LINGO2: variants seen among roughly 807,000 people sequenced by gnomAD.
LINGO2 encodes leucine rich repeat and Ig domain containing 2.
A neutral mutation model predicts 30.6 loss-of-function variants in LINGO2; 14 were observed. The observed-to-expected ratio is 0.46, with a 90% confidence interval of 0.30 to 0.72. LINGO2 has a LOEUF of 0.72. Ranked by LOEUF, LINGO2 falls within the 30% of genes least tolerant of loss-of-function variation. The pLI, the probability that LINGO2 is intolerant of heterozygous loss-of-function variation, is 0.07. For synonymous variants in LINGO2, 317 were observed against 288.5 expected (o/e 1.10, Z -1.00); for missense variants, 729 against 751.7 (o/e 0.97, Z 0.35).
intron 4 of LINGO2, among the ~76,000 whole-genome samples, chr9:28,050,642 C>T (rs1824629436): frequency 6.6e-6 from 1 of 150,846 alleles, no homozygotes; most frequent in Non-Finnish European, 1.5e-5. Flanking sequence ...CGAAATACCA[C>T]CCTTCATAAC....
chr9:28,211,372 C>T (rs1404735184), intron 4 of LINGO2, among the ~76,000 whole-genome samples: 1 of 150,512 alleles, frequency 6.6e-6, no homozygotes, highest in Non-Finnish European at 1.5e-5. Context: ...CAGAGAGCAC[C>T]TGTTAAATTG....
intron 4 of LINGO2, among the ~76,000 whole-genome samples, chr9:28,048,689 A>G (rs543306179): frequency 3.3e-5 from 5 of 151,074 alleles, no homozygotes; most frequent in Non-Finnish European, 5.9e-5. Context: ...TACGATGCCA[A>G]AAGGCTGAAA....
chr9:28,824,862 G>A, the LINGO2 span, among the ~76,000 whole-genome samples: 2 of 152,290 alleles, frequency 1.3e-5, no homozygotes, highest in Admixed American at 1.3e-4. Flanking sequence ...TAAATCAGTA[G>A]GCTGGACTAA....
At chr9:28,207,886 G>A (rs1317849350) in intron 4 of LINGO2, among the ~76,000 whole-genome samples, 1 of 151,440 alleles carries the variant, frequency 6.6e-6, no homozygotes, top group Non-Finnish European at 1.5e-5. Flanking sequence ...TTTTTTAAAT[G>A]TTTTGCATGA....
chr9:28,955,775 T>C, the LINGO2 span, among the ~76,000 whole-genome samples: 1 of 152,118 alleles, frequency 6.6e-6, no homozygotes, highest in Non-Finnish European at 1.5e-5. Flanking sequence ...TATGTTCAGA[T>C]TCTTAAATGG....
intron 4 of LINGO2, among the ~76,000 whole-genome samples, chr9:28,053,833 C>T (rs1824788837): frequency 6.6e-6 from 1 of 151,992 alleles, no homozygotes; most frequent in Admixed American, 6.6e-5. Context: ...TCAGCTAAAC[C>T]ATGAGGTACT....
At chr9:29,205,260 C>T in the LINGO2 span, among the ~76,000 whole-genome samples, 1 of 152,020 alleles carries the variant, frequency 6.6e-6, no homozygotes, top group African/African-American at 2.4e-5. Flanking sequence ...AGGATGGTCT[C>T]GATCTCTTGA....
chr9:28,663,054 T>C (rs778643007), intron 1 of LINGO2, among the ~76,000 whole-genome samples: 5 of 152,122 alleles, frequency 3.3e-5, no homozygotes, highest in Non-Finnish European at 5.9e-5. Context: ...TGGAAATAAA[T>C]ATAGATTAGG....
At chr9:28,043,153 G>C (rs1824268612) in intron 4 of LINGO2, among the ~76,000 whole-genome samples, 1 of 152,186 alleles carries the variant, frequency 6.6e-6, no homozygotes, top group African/African-American at 2.4e-5. Context: ...GAAGATGTCA[G>C]TGTGTGCCTC....
chr9:28,932,147 T>TAAAATAAAATAAAAC, the LINGO2 span, among the ~76,000 whole-genome samples: 1 of 123,724 alleles, frequency 8.1e-6, no homozygotes, highest in Non-Finnish European at 1.7e-5. Context: ...TAAAATAAAA[T>TAAAATAAAATAAAAC]AAAATGAAAG....
the LINGO2 span, among the ~76,000 whole-genome samples, chr9:28,957,896 T>A: frequency 2.6e-5 from 4 of 152,310 alleles, no homozygotes; most frequent in East Asian, 1.9e-4. Context: ...AATGCACTAA[T>A]TTCTTTACTT....
chr9:28,094,919 C>G (rs2133283722), intron 4 of LINGO2, among the ~76,000 whole-genome samples: 1 of 152,096 alleles, frequency 6.6e-6, no homozygotes, highest in South Asian at 2.1e-4. Context: ...CTTAGAGGAC[C>G]TAGGAGATAG....
At chr9:28,315,169 C>G (rs1218140861) in intron 3 of LINGO2, among the ~76,000 whole-genome samples, 4 of 151,954 alleles carry the variant, frequency 2.6e-5, no homozygotes, top group African/African-American at 9.7e-5. Flanking sequence ...CTCTGGGAAG[C>G]TGAGGCGGGA....
chr9:29,189,378 G>A, the LINGO2 span, among the ~76,000 whole-genome samples: 1 of 151,354 alleles, frequency 6.6e-6, no homozygotes, highest in Non-Finnish European at 1.5e-5. Context: ...TCTCAGACGG[G>A]GCGGTTGCCG....
At chr9:29,037,060 A>G in the LINGO2 span, among the ~76,000 whole-genome samples, 1 of 151,712 alleles carries the variant, frequency 6.6e-6, no homozygotes, top group African/African-American at 2.4e-5. Context: ...ACGTTCATCT[A>G]TACCTTTTCT....
chr9:28,349,032 A>T (rs1222007447), intron 3 of LINGO2, among the ~76,000 whole-genome samples: 1 of 150,836 alleles, frequency 6.6e-6, no homozygotes, highest in African/African-American at 2.4e-5. Context: ...AAGTAGATAA[A>T]ACCACAAAGA....
chr9:28,869,882 T>A, the LINGO2 span, among the ~76,000 whole-genome samples: 1 of 152,006 alleles, frequency 6.6e-6, no homozygotes, highest in African/African-American at 2.4e-5. Context: ...TTTTACACCC[T>A]ACCCTGCCTT....
chr9:29,023,755 A>C, the LINGO2 span, among the ~76,000 whole-genome samples: 13 of 152,276 alleles, frequency 8.5e-5, no homozygotes, highest in South Asian at 4.1e-4. Context: ...CTGAGAATTA[A>C]GTATTAAATC....
rs150054283 is a variant in LINGO2, at chr9:28,173,624, C to T, written c.-87+121584G>A. On this transcript the variant is annotated intron_variant, in intron 4 of 5. Coordinates refer to ENST00000379992, the Ensembl canonical transcript of LINGO2. The stretch of plus-strand genomic sequence containing the variant: ...GCCATTTGAACTTTTGGTAAATACT[C>T]TCTTGTAAGAGGCATGAGCCAGCAT... 8.7e-3 allele frequency among the ~76,000 whole-genome samples: 1,321 copies of T among 152,334 alleles called. 12 individuals are homozygous for T. The highest frequency in any genetic ancestry group is 0.014 in the Non-Finnish European group (946 of 68,028).
Sources: allele counts gnomAD v4.1 joint callset (sites outside exome capture counted in the v4.1 genomes callset), GRCh38; gene constraint gnomAD v4.1.1; transcripts MANE v1.5; gene names NCBI Gene and HGNC (gene_info 2026-07-23, HGNC 2026-07-21).